Variants in EIF3I observed in about 807,000 individuals in gnomAD.
The protein encoded by EIF3I is eukaryotic translation initiation factor 3 subunit I.
EIF3I carries 20 observed loss-of-function variants against 43.3 expected under a neutral mutation model. That is an observed-to-expected ratio of 0.46 (90% CI 0.32 to 0.67). The LOEUF is 0.67. EIF3I is among the 30% of genes least tolerant of loss of function. The pLI, the probability that EIF3I is intolerant of heterozygous loss-of-function variation, is 0.03. For missense variants in EIF3I, 279 were observed against 421.4 expected, an observed-to-expected ratio of 0.66 and a Z score of 2.96; for synonymous variants, 167 against 151.7, an observed-to-expected ratio of 1.10 and a Z score of -0.74.
chr1:32,228,394 A>G, intron 6 of EIF3I, 105 bp from the exon 7 acceptor site: 1 of 909,016 alleles, frequency 1.1e-6, no homozygotes, highest in South Asian at 1.4e-5. Flanking sequence ...TGAGGAAAAC[A>G]CAAAGTCCAT....
At chr1:32,223,959 G>A in intron 2 of EIF3I, 75 bp from the exon 3 acceptor site, 2 of 1,362,250 alleles carry the variant, frequency 1.5e-6, no homozygotes, top group Non-Finnish European at 1.1e-6. Flanking sequence ...ACAGGCTGCT[G>A]AGGGTTCCTG....
At chr1:32,222,908 G>A (rs959304158) in intron 2 of EIF3I, among the ~76,000 whole-genome samples, 2 of 152,130 alleles carry the variant, frequency 1.3e-5, no homozygotes, top group Non-Finnish European at 2.9e-5. Flanking sequence ...ACCAGCCTGA[G>A]CAACGTAGTA....
chr1:32,222,768 A>G (rs774148157), intron 2 of EIF3I, 138 bp downstream of exon 2: 58 of 844,102 alleles, frequency 6.9e-5, no homozygotes, highest in Non-Finnish European at 1.1e-4. Flanking sequence ...TGCCGGGGGT[A>G]GGTTGGCGAA....
At chr1:32,234,319 AAAG>A, downstream of EIF3I, 1 of 151,560 alleles carries the variant, frequency 6.6e-6, no homozygotes. Context: ...AAAAAAAAAA[AAAG>A]GAAGTAAGGC....
downstream of EIF3I, chr1:32,234,334 C>T (rs1569867799): frequency 2.0e-5 from 3 of 151,424 alleles, no homozygotes; most frequent in East Asian, 5.8e-4. Context: ...AAGTAAGGCA[C>T]TGATGGCACA....
chr1:32,229,551 T>TATA (rs1330319170), intron 9 of EIF3I, among the ~76,000 whole-genome samples: 5 of 130,228 alleles, frequency 3.8e-5, no homozygotes, highest in South Asian at 2.5e-4. Context: ...CCCAGCCTTT[T>TATA]TTTTTTTTTT....
chr1:32,231,045 C>G (rs1639227070), intron 11 of EIF3I, 26 bp downstream of exon 10: 1 of 1,613,476 alleles, frequency 6.2e-7, no homozygotes, highest in African/African-American at 1.3e-5. Flanking sequence ...AGCAGCTGAC[C>G]TAAGCCTGGG....
At position 32,224,494 on chromosome 1, in the gene EIF3I, C is replaced by G. The variant is rs772053695; in HGVS notation, c.250+19C>G. On this transcript the variant is annotated intron_variant, in intron 4 of 11. Transcript: ENST00000676679. ...GAAACAGGTAAGCTGGGTTCATTCACCTTTTTAGCAAATATTGAGGACCTA... is the reference window on the plus strand; with the variant it reads ...GAAACAGGTAAGCTGGGTTCATTCAGCTTTTTAGCAAATATTGAGGACCTA... The G allele has an allele frequency of 6.2e-7, 1 of 1,606,518 alleles. No individual in the cohort carries two copies. Among genetic ancestry groups the G allele is most frequent in the Non-Finnish European group, 8.5e-7 (1 of 1,174,110 alleles).
At chr1:32,223,906 G>A in intron 2 of EIF3I, 128 bp from the exon 3 acceptor site, 3 of 800,602 alleles carry the variant, frequency 3.7e-6, no homozygotes, top group South Asian at 3.1e-5. Context: ...GCTCCCTGCT[G>A]TTTCCCAAGA....
intron 2 of EIF3I, among the ~76,000 whole-genome samples, chr1:32,223,374 C>T (rs1280129041): frequency 6.6e-6 from 1 of 152,210 alleles, no homozygotes; most frequent in Non-Finnish European, 1.5e-5. Flanking sequence ...ACCTCTGCCT[C>T]CCAGGTTCAA....
chr1:32,228,660 A>C (rs1301933301), intron 7 of EIF3I, 51 bp downstream of exon 7: 3 of 1,605,804 alleles, frequency 1.9e-6, no homozygotes, highest in Non-Finnish European at 2.6e-6. Flanking sequence ...CCGGCTGCAC[A>C]GCTCACCCTG....
chr1:32,232,563 A>C (rs143378435), downstream of EIF3I, among the ~76,000 whole-genome samples: 24 of 152,344 alleles, frequency 1.6e-4, 1 homozygote, highest in East Asian at 4.6e-3. Flanking sequence ...GAAAGGGCCC[A>C]CTGTGAATAT....
At chr1:32,224,658 CTTTTT>C (rs58586351) in intron 4 of EIF3I, among the ~76,000 whole-genome samples, 183 bp downstream of exon 4, 5 of 136,346 alleles carry the variant, frequency 3.7e-5, no homozygotes, top group African/African-American at 1.1e-4. Flanking sequence ...ATTAAGTTTT[CTTTTT>C]TTTTTTTTTT....
chr1:32,234,851 C>T (rs998183171), downstream of EIF3I: 1 of 152,364 alleles, frequency 6.6e-6, no homozygotes, highest in African/African-American at 2.4e-5. Context: ...ATAGAATGGA[C>T]CCAGTTCTAG....
Position 32,226,389 on chromosome 1 carries a change from A to G in EIF3I, c.401-14A>G, listed in dbSNP as rs1639147399. 1.2e-6 allele frequency: 2 copies of G among 1,608,694 alleles called. No individual in the cohort carries two copies. The highest frequency in any genetic ancestry group is 1.7e-6 in the Non-Finnish European group (2 of 1,177,650). ...TTCTAGAGCCCAGGGCCTAACATCT[A>G]CTGCCCCACACAGACAACAATGAGC... On this transcript the variant is annotated splice_polypyrimidine_tract_variant and intron_variant, in intron 5 of 11. Transcript: ENST00000676679.
At chr1:32,228,954 C>A in intron 8 of EIF3I, 138 bp downstream of exon 8, 1 of 1,060,766 alleles carries the variant, frequency 9.4e-7, no homozygotes, top group Non-Finnish European at 1.4e-6. Flanking sequence ...AGTGACAAAG[C>A]TGGAAGGATT....
rs755788222 is a variant in EIF3I at position 32,231,110 on chromosome 1, TC to T, written c.1008-3del. 174 of 1,614,010 alleles carry T rather than the reference TC, an allele frequency of 1.1e-4. 1 individual carries two copies. In the Admixed American group the frequency reaches 2.8e-3, roughly 26 times the overall value. On this transcript the variant is annotated splice_polypyrimidine_tract_variant and splice_region_variant and intron_variant, in intron 11 of 11. Transcript: ENST00000676679. ...CCTGACTGGTGCCTGGCTATCTTTT[TC>T]CAGCTACAGCAGCGGCGGCGAAGAT... is the stretch of plus-strand genomic sequence containing the variant.
chr1:32,232,250 C>T (rs1209524983), downstream of EIF3I: 1 of 152,138 alleles, frequency 6.6e-6, no homozygotes, highest in African/African-American at 2.4e-5. Context: ...GGTGGGCAGC[C>T]CTGGTTAGTA....
intron 2 of EIF3I, 131 bp downstream of exon 2, chr1:32,222,761 C>G (rs1189230773): frequency 4.4e-6 from 4 of 900,150 alleles, no homozygotes; most frequent in African/African-American, 3.3e-5. Flanking sequence ...GAGGCCATGC[C>G]GGGGGTAGGT....
Sources: gnomAD v4.1 joint callset for allele counts (sites outside exome capture counted in the v4.1 genomes callset) on GRCh38, gnomAD v4.1.1 for gene constraint, MANE v1.5 for transcripts, NCBI Gene and HGNC (gene_info 2026-07-23, HGNC 2026-07-21) for gene names.